Variants in ANO2 observed in about 807,000 individuals in gnomAD.
The protein encoded by ANO2 is anoctamin 2.
ANO2 carries 101 observed loss-of-function variants against 124.2 expected under a neutral mutation model. The ratio of observed to expected loss-of-function variants is 0.81; its 90% confidence interval spans 0.69 to 0.96. The LOEUF is 0.96. Ranked by LOEUF, ANO2 falls within the 40% of genes least tolerant of loss-of-function variation. ANO2 has a pLI of 0.00. For missense variants in ANO2, 1,293 were observed against 1,274.5 expected (o/e 1.01, Z -0.22); for synonymous variants, 486 against 482.5 (o/e 1.01, Z -0.09).
intron 10 of ANO2, among the ~76,000 whole-genome samples, chr12:5,783,558 G>A (rs993129552): frequency 1.3e-5 from 2 of 152,188 alleles, no homozygotes; most frequent in African/African-American, 2.4e-5. Flanking sequence ...TAGTCTACAT[G>A]AGCACTTTGT....
intron 14 of ANO2, among the ~76,000 whole-genome samples, chr12:5,704,083 A>G (rs1359959411): frequency 2.0e-5 from 3 of 151,956 alleles, no homozygotes; most frequent in Non-Finnish European, 1.5e-5. Context: ...GATGAGTGCT[A>G]TTTTTGAGGT....
intron 15 of ANO2, among the ~76,000 whole-genome samples, chr12:5,643,087 C>CACACAA (rs1491410332): frequency 6.6e-6 from 1 of 151,314 alleles, no homozygotes; most frequent in Non-Finnish European, 1.5e-5. Context: ...CACACACACA[C>CACACAA]AATGAATAAA....
intron 10 of ANO2, among the ~76,000 whole-genome samples, chr12:5,776,252 A>G (rs914160791): frequency 6.6e-6 from 1 of 152,176 alleles, no homozygotes; most frequent in East Asian, 1.9e-4. Context: ...CACTCTTTGT[A>G]AAAGAAAGTG....
intron 3 of ANO2, among the ~76,000 whole-genome samples, chr12:5,882,543 G>A (rs1156448778): frequency 6.6e-6 from 1 of 152,212 alleles, no homozygotes; most frequent in Non-Finnish European, 1.5e-5. Flanking sequence ...GCTAGACAGA[G>A]GACATTCATA....
At position 5,908,424 on chromosome 12, in the gene ANO2, G is replaced by C. The variant is rs1057350021; in HGVS notation, c.534+12616C>G. Among the ~76,000 whole-genome samples, 1 of 152,144 alleles carries C rather than the reference G, an allele frequency of 6.6e-6. No homozygotes were observed. The highest frequency in any genetic ancestry group is 1.5e-5 in the Non-Finnish European group (1 of 68,034). On this transcript the variant is annotated intron_variant, in intron 3 of 24. Transcript: ENST00000682330. This position sits in a 1 kb window ranked among gnomAD's most constrained non-coding sequence, Gnocchi z 4.7. ...TGGAAACTCAACAAGGCAGTAATACGAACACCAGCAGTCACCCTATCCAAG... is the reference window on the plus strand; with the variant it reads ...TGGAAACTCAACAAGGCAGTAATACCAACACCAGCAGTCACCCTATCCAAG...
At chr12:5,836,805 C>T (rs902771798) in intron 4 of ANO2, 2 of 154,374 alleles carry the variant, frequency 1.3e-5, no homozygotes, top group African/African-American at 4.8e-5. Flanking sequence ...TTTTTGGCTT[C>T]CAAACAATGG....
intron 7 of ANO2, among the ~76,000 whole-genome samples, chr12:5,818,422 T>G (rs1466876363): frequency 2.1e-5 from 3 of 145,094 alleles, no homozygotes; most frequent in Non-Finnish European, 4.5e-5. Flanking sequence ...TGTGATCATG[T>G]GAGTTAATAC....
intron 14 of ANO2, among the ~76,000 whole-genome samples, chr12:5,684,496 G>A (rs1050486508): frequency 6.6e-6 from 1 of 152,166 alleles, no homozygotes. Context: ...AGGACAAGTG[G>A]TCTTGGCTGA....
chr12:5,914,194 C>T (rs773741108), intron 3 of ANO2, among the ~76,000 whole-genome samples: 8 of 101,068 alleles, frequency 7.9e-5, no homozygotes, highest in South Asian at 3.6e-4. Context: ...AGTGAGACTC[C>T]ATCTCAAAAA....
chr12:5,788,588 TCTAA>T (rs1268038776), intron 10 of ANO2, among the ~76,000 whole-genome samples: 2 of 145,032 alleles, frequency 1.4e-5, no homozygotes, highest in African/African-American at 4.9e-5. Context: ...GGAGACGGAG[TCTAA>T]CTGTCACCCA....
chr12:5,619,206 G>C (rs1303809500), intron 16 of ANO2, among the ~76,000 whole-genome samples: 1 of 152,192 alleles, frequency 6.6e-6, no homozygotes, highest in African/African-American at 2.4e-5. Flanking sequence ...TAAGCTGCCA[G>C]AGAAAACTCA....
At position 5,635,612 on chromosome 12, in the gene ANO2, C is replaced by CACACACACACAT; in HGVS notation, c.1621-266_1621-265insATGTGTGTGTGT. ...CCAAATGATTTATCACACACACACA[C>CACACACACACAT]ACACACACACACACACAATAAGGAT... On this transcript the variant is annotated intron_variant, in intron 15 of 24. Coordinates refer to ENST00000682330, the MANE Select transcript of ANO2 (RefSeq NM_001364791.2). This position sits in a 1 kb window ranked among gnomAD's most constrained non-coding sequence, Gnocchi z 5.2. Among the ~76,000 whole-genome samples the CACACACACACAT allele has an allele frequency of 6.6e-6, 1 of 151,630 alleles. No individual in the cohort carries two copies. Among genetic ancestry groups the CACACACACACAT allele is most frequent in the African/African-American group, 2.4e-5 (1 of 41,234 alleles).
intron 7 of ANO2, among the ~76,000 whole-genome samples, chr12:5,809,451 T>C (rs11063873): frequency 0.49 from 74,279 of 151,906 alleles, 19,232 homozygotes; most frequent in South Asian, 0.58. Context: ...CCACAGTTGC[T>C]GTGGCAGCTG....
chr12:5,724,801 T>G (rs1331668517), intron 14 of ANO2, among the ~76,000 whole-genome samples: 3 of 152,066 alleles, frequency 2.0e-5, no homozygotes, highest in Non-Finnish European at 4.4e-5. Flanking sequence ...TAGGTAGGGA[T>G]GGGGGCCCCG....
rs115989146 is a variant in ANO2, at chr12:5,880,264, C to T, written c.535-26123G>A. 3.9e-3 allele frequency among the ~76,000 whole-genome samples: 588 copies of T among 152,132 alleles called. 4 individuals carry two copies. Among genetic ancestry groups the T allele is most frequent in the African/African-American group, 0.013 (540 of 41,494 alleles). ...GATGTTTCCAAAACATAAATCCAGGCATTTATGTTCAGGAGACAGACATAA... is the reference window on the plus strand; with the variant it reads ...GATGTTTCCAAAACATAAATCCAGGTATTTATGTTCAGGAGACAGACATAA... On this transcript the variant is annotated intron_variant, in intron 3 of 24. Coordinates refer to ENST00000682330, the MANE Select transcript of ANO2 (RefSeq NM_001364791.2).
At chr12:5,647,967 T>G (rs763364918) in intron 14 of ANO2, among the ~76,000 whole-genome samples, 166 bp from the exon 15 acceptor site, 13 of 152,194 alleles carry the variant, frequency 8.5e-5, no homozygotes, top group African/African-American at 3.1e-4. Context: ...CCTTCTAATT[T>G]TGTAATTTCT....
At chr12:5,790,222 C>G (rs907855821) in intron 10 of ANO2, among the ~76,000 whole-genome samples, 1 of 152,200 alleles carries the variant, frequency 6.6e-6, no homozygotes, top group African/African-American at 2.4e-5. Context: ...AGAGACTCCC[C>G]AGGAGAGATG....
rs143861018 is a variant in ANO2 at position 5,754,847 on chromosome 12, G to A, written c.1056-3877C>T. On this transcript the variant is annotated intron_variant, in intron 10 of 24. Transcript: ENST00000682330. The stretch of plus-strand genomic sequence containing the variant: ...TTTTCATTAGTCTAACTAAGGATTC[G>A]TCAACAAACTCTTAGCTTCATCAAT... 4.5e-3 allele frequency among the ~76,000 whole-genome samples: 687 copies of A among 151,950 alleles called. 4 individuals are homozygous for A. Among genetic ancestry groups the A allele is most frequent in the African/African-American group, 0.016 (648 of 41,438 alleles).
chr12:5,722,246 C>T (rs1177448349), intron 14 of ANO2, among the ~76,000 whole-genome samples: 2 of 152,212 alleles, frequency 1.3e-5, no homozygotes. Context: ...GGGGCTCACG[C>T]CTGTAATCCC....
Sources: allele counts gnomAD v4.1 joint callset (sites outside exome capture counted in the v4.1 genomes callset), GRCh38; gene constraint gnomAD v4.1.1; non-coding constraint Gnocchi (gnomAD v3.1); transcripts MANE v1.5; gene names NCBI Gene and HGNC (gene_info 2026-07-23, HGNC 2026-07-21).